Variants in LDLRAD3 observed in about 807,000 individuals in gnomAD.
LDLRAD3 encodes low density lipoprotein receptor class A domain containing 3, also known as low-density lipoprotein receptor class A domain-containing protein 3.
A neutral mutation model predicts 29.4 loss-of-function variants in LDLRAD3; 20 were observed. The observed-to-expected ratio is 0.68, with a 90% CI of 0.48 to 0.99. The LOEUF (loss-of-function observed/expected upper bound fraction) is 0.99. Among genes scored for constraint, LDLRAD3 ranks in the 50% least tolerant of loss-of-function variants. LDLRAD3 has a pLI of 0.00. For synonymous variants in LDLRAD3, 157 were observed against 192.7 expected (o/e 0.81, Z 1.53); for missense variants, 420 against 454.3 (o/e 0.92, Z 0.69).
chr11:36,011,080 C>T (rs1363637816), intron 1 of LDLRAD3, among the ~76,000 whole-genome samples: 2 of 152,224 alleles, frequency 1.3e-5, no homozygotes, highest in African/African-American at 4.8e-5. Flanking sequence ...GCTGCAATTA[C>T]AGGCGTGAGC....
intron 4 of LDLRAD3, among the ~76,000 whole-genome samples, chr11:36,200,479 G>C (rs1300930637): frequency 3.9e-5 from 6 of 152,110 alleles, no homozygotes; most frequent in African/African-American, 1.4e-4. Flanking sequence ...GAATTGAGGG[G>C]GATACATACA....
chr11:36,181,838 T>C (rs2133357769), intron 4 of LDLRAD3, among the ~76,000 whole-genome samples: 1 of 152,188 alleles, frequency 6.6e-6, no homozygotes, highest in East Asian at 1.9e-4. Context: ...AGGCCCTGAG[T>C]GGGGATGAGA....
At chr11:36,055,575 A>G (rs1039243554) in intron 2 of LDLRAD3, among the ~76,000 whole-genome samples, 1 of 152,184 alleles carries the variant, frequency 6.6e-6, no homozygotes, top group African/African-American at 2.4e-5. Context: ...GGCAGATGGC[A>G]CTATCGGCCC....
intron 4 of LDLRAD3, among the ~76,000 whole-genome samples, chr11:36,150,030 G>A (rs191028640): frequency 8.4e-4 from 128 of 152,272 alleles, no homozygotes; most frequent in Non-Finnish European, 2.2e-4. Context: ...AAGGTGGGGT[G>A]TCCTTTTTCA....
At chr11:36,011,797 G>A (rs1212207176) in intron 1 of LDLRAD3, among the ~76,000 whole-genome samples, 1 of 152,142 alleles carries the variant, frequency 6.6e-6, no homozygotes, top group Non-Finnish European at 1.5e-5. Context: ...GGTATAAGTA[G>A]CTACCCGATG....
At chr11:36,099,503 T>G (rs4756274) in intron 4 of LDLRAD3, among the ~76,000 whole-genome samples, 143,953 of 152,252 alleles carry the variant, frequency 0.95, 68,400 homozygotes, top group East Asian at 1. Context: ...TGTCTTGACT[T>G]ATGTTCAGTG....
chr11:36,051,904 G>A lies in LDLRAD3; in HGVS notation c.193+15655G>A, dbSNP rs376560860. Among the ~76,000 whole-genome samples, 17 of 152,338 alleles carry A rather than the reference G, an allele frequency of 1.1e-4. No individual in the cohort carries two copies. In the South Asian group the frequency reaches 3.5e-3, roughly 32 times the overall value. On this transcript the variant is annotated intron_variant, in intron 2 of 5. Transcript: ENST00000315571. The stretch of plus-strand genomic sequence containing the variant: ...GTGCCCAACCAGTACTTTCTAAACT[G>A]TGCTTGATGGGTCACATTACTCATT...
intron 1 of LDLRAD3, among the ~76,000 whole-genome samples, chr11:35,993,828 C>G (rs1323048515): frequency 6.6e-6 from 1 of 152,112 alleles, no homozygotes; most frequent in African/African-American, 2.4e-5. Context: ...GAGGCCATTT[C>G]ATAAGCAGGT....
At chr11:36,103,999 G>A (rs1238477308) in intron 4 of LDLRAD3, among the ~76,000 whole-genome samples, 2 of 152,166 alleles carry the variant, frequency 1.3e-5, no homozygotes, top group Non-Finnish European at 2.9e-5. Flanking sequence ...GGTAAGACAT[G>A]AGTGTATGGA....
intron 1 of LDLRAD3, among the ~76,000 whole-genome samples, chr11:36,000,794 G>A (rs1192085098): frequency 6.6e-6 from 1 of 152,084 alleles, no homozygotes; most frequent in Non-Finnish European, 1.5e-5. Context: ...GTGTGGGAAG[G>A]GCTGGAGAGG....
chr11:36,040,583 G>A (rs1018723241), intron 2 of LDLRAD3, among the ~76,000 whole-genome samples: 1 of 151,972 alleles, frequency 6.6e-6, no homozygotes, highest in African/African-American at 2.4e-5. Flanking sequence ...CACATAATTT[G>A]GCATTTCTCT....
At chr11:36,024,376 T>G (rs899155799) in intron 1 of LDLRAD3, among the ~76,000 whole-genome samples, 1 of 152,028 alleles carries the variant, frequency 6.6e-6, no homozygotes, top group African/African-American at 2.4e-5. Flanking sequence ...TTGTCATTAT[T>G]TGTATCTATC....
At chr11:36,156,359 C>T (rs957620118) in intron 4 of LDLRAD3, among the ~76,000 whole-genome samples, 1 of 152,162 alleles carries the variant, frequency 6.6e-6, no homozygotes, top group African/African-American at 2.4e-5. Flanking sequence ...GTTCGTATAG[C>T]CAGCTCTGCC....
At chr11:36,200,862 T>G (rs1208309001) in intron 4 of LDLRAD3, among the ~76,000 whole-genome samples, 1 of 152,206 alleles carries the variant, frequency 6.6e-6, no homozygotes. Flanking sequence ...ATGAAACTCT[T>G]GCTTATGCTG....
chr11:36,121,097 C>G (rs1166238885), intron 4 of LDLRAD3, among the ~76,000 whole-genome samples: 2 of 152,152 alleles, frequency 1.3e-5, no homozygotes, highest in Non-Finnish European at 2.9e-5. Flanking sequence ...TATTCTGTCC[C>G]CGGTATCCAG....
chr11:35,967,977 T>A (rs1851363199), intron 1 of LDLRAD3: 1 of 412,424 alleles, frequency 2.4e-6, no homozygotes, highest in Non-Finnish European at 4.7e-6. Flanking sequence ...TTTCATATAG[T>A]GCTTTATTGC....
At chr11:36,204,561 C>T (rs973916092) in intron 4 of LDLRAD3, among the ~76,000 whole-genome samples, 18 of 150,266 alleles carry the variant, frequency 1.2e-4, no homozygotes, top group African/African-American at 4.4e-4. Context: ...AATGGCTGCT[C>T]ATTGCAACCT....
intron 4 of LDLRAD3, among the ~76,000 whole-genome samples, chr11:36,219,980 A>T (rs1855406390): frequency 6.6e-6 from 1 of 152,240 alleles, no homozygotes; most frequent in Non-Finnish European, 1.5e-5. Context: ...TCCAATAATA[A>T]TGTCAAACCA....
At chr11:36,222,317 C>T (rs1178298739) in intron 4 of LDLRAD3, among the ~76,000 whole-genome samples, 7 of 152,136 alleles carry the variant, frequency 4.6e-5, no homozygotes, top group Non-Finnish European at 7.4e-5. Context: ...CTCCTGGACT[C>T]AAGCCATCCC....
Sources: gnomAD v4.1 joint callset for allele counts (sites outside exome capture counted in the v4.1 genomes callset) on GRCh38, gnomAD v4.1.1 for gene constraint, MANE v1.5 for transcripts, NCBI Gene and HGNC (gene_info 2026-07-23, HGNC 2026-07-21) for gene names.